RALYL: variants seen among roughly 807,000 people sequenced by gnomAD.
The protein encoded by RALYL is RALY RNA binding protein like.
RALYL carries 29 observed loss-of-function variants against 35.1 expected under a neutral mutation model. That is an observed-to-expected ratio of 0.83 (90% CI 0.61 to 1.13). RALYL has a LOEUF of 1.13. Among genes scored for constraint, RALYL ranks in the 50% most tolerant of loss-of-function variants. RALYL has a pLI of 0.00. For missense variants in RALYL, 359 were observed against 360.4 expected, an observed-to-expected ratio of 1.00 and a Z score of 0.03; for synonymous variants, 120 against 127.6, an observed-to-expected ratio of 0.94 and a Z score of 0.40.
intron 1 of RALYL, among the ~76,000 whole-genome samples, chr8:84,318,195 T>TCC (rs749144780): frequency 0.047 from 7,189 of 152,194 alleles, 263 homozygotes; most frequent in African/African-American, 0.083. Flanking sequence ...AGTATCAAAT[T>TCC]CAAGCATGGG....
At chr8:84,593,368 T>G (rs1286136008) in intron 2 of RALYL, among the ~76,000 whole-genome samples, 1 of 152,080 alleles carries the variant, frequency 6.6e-6, no homozygotes, top group East Asian at 1.9e-4. Flanking sequence ...TCCTCATGCG[T>G]CGCCAATCTT....
At chr8:84,576,895 G>T (rs939979496) in intron 2 of RALYL, among the ~76,000 whole-genome samples, 3 of 152,130 alleles carry the variant, frequency 2.0e-5, no homozygotes, top group Non-Finnish European at 2.9e-5. Context: ...CCTTTGCACT[G>T]GTCCACAGCA....
chr8:84,598,490 T>C (rs1357192344), intron 2 of RALYL, among the ~76,000 whole-genome samples: 2 of 152,176 alleles, frequency 1.3e-5, no homozygotes, highest in Non-Finnish European at 2.9e-5. Context: ...TATCGATTTG[T>C]GCTTGTGTCT....
At chr8:84,670,119 TG>T (rs903754762) in intron 2 of RALYL, among the ~76,000 whole-genome samples, 144 of 151,200 alleles carry the variant, frequency 9.5e-4, no homozygotes, top group African/African-American at 3.2e-3. Context: ...TATTTCCTGC[TG>T]AAAAAAAAAA....
chr8:84,464,563 C>T lies in RALYL; in HGVS notation c.-23-64736C>T, dbSNP rs1163547455. On this transcript the variant is annotated intron_variant, in intron 1 of 8. Transcript: ENST00000521268. The stretch of plus-strand genomic sequence containing the variant: ...CATTGTTGGACATTTGGGTTGGTTC[C>T]AAGTCTTTGCTATTGTGAATAATGC... Among the ~76,000 whole-genome samples, 33 of 149,812 alleles carry T rather than the reference C, an allele frequency of 2.2e-4. No individual in the cohort carries two copies. The South Asian group carries it at 6.7e-3, about 30-fold the overall frequency.
intron 2 of RALYL, among the ~76,000 whole-genome samples, chr8:84,535,499 T>G (rs1048401414): frequency 6.6e-6 from 1 of 150,744 alleles, no homozygotes; most frequent in Non-Finnish European, 1.5e-5. Flanking sequence ...GCAGTGGCGC[T>G]GTCTCGGCTC....
intron 1 of RALYL, among the ~76,000 whole-genome samples, chr8:84,403,463 G>T (rs532066918): frequency 2.0e-5 from 3 of 147,288 alleles, no homozygotes; most frequent in Non-Finnish European, 4.5e-5. Context: ...AAGATTAGAT[G>T]GTTGTAGATG....
chr8:84,489,114 A>T (rs2054966840), intron 1 of RALYL, among the ~76,000 whole-genome samples: 1 of 152,002 alleles, frequency 6.6e-6, no homozygotes, highest in South Asian at 2.1e-4. Flanking sequence ...AGTGTTATAT[A>T]CTGTAGAGTT....
rs533837816 is a variant in RALYL, at chr8:84,558,592, T to C, written c.256+29015T>C. Among the ~76,000 whole-genome samples, 11 of 152,310 alleles carry C rather than the reference T, an allele frequency of 7.2e-5. No individual in the cohort carries two copies. In the East Asian group the frequency reaches 1.9e-3, roughly 27 times the overall value. On this transcript the variant is annotated intron_variant, in intron 2 of 8. Transcript: ENST00000521268. ...CACTTCTGTGCTATTTCTGTTAGTT[T>C]AAATCACTTCTGTGGATTTAATTTA...
At chr8:84,697,450 T>A (rs1276547401) in intron 2 of RALYL, among the ~76,000 whole-genome samples, 1 of 152,044 alleles carries the variant, frequency 6.6e-6, no homozygotes, top group Admixed American at 6.6e-5. Flanking sequence ...TCTAACCTAC[T>A]TGATTATTTT....
intron 8 of RALYL, among the ~76,000 whole-genome samples, chr8:84,892,461 T>G (rs1844017251): frequency 6.6e-6 from 1 of 151,930 alleles, no homozygotes; most frequent in African/African-American, 2.4e-5. Flanking sequence ...AATACAAAAA[T>G]TAGCCGGGCA....
Position 84,378,753 on chromosome 8 carries a change from TC to T in RALYL, c.-23-150545del, listed in dbSNP as rs373874288. 5.9e-5 allele frequency among the ~76,000 whole-genome samples: 9 copies of T among 152,006 alleles called. No homozygotes were observed. In the South Asian group the frequency reaches 1.0e-3, roughly 17 times the overall value. ...TCCTTGAGACACTTCACTTTTTTTT[TC>T]ACTTATCTCCAGCATTGAATAAAGC... On this transcript the variant is annotated intron_variant, in intron 1 of 8. Coordinates refer to ENST00000521268, the MANE Select transcript of RALYL (RefSeq NM_173848.7).
At chr8:84,736,960 G>A (rs117311161) in intron 2 of RALYL, among the ~76,000 whole-genome samples, 2,620 of 152,046 alleles carry the variant, frequency 0.017, 35 homozygotes, top group Middle Eastern at 0.048. Flanking sequence ...GGATGAAACT[G>A]TAATATTACT....
chr8:84,857,889 TA>T (rs1837372659), intron 5 of RALYL, among the ~76,000 whole-genome samples: 1 of 152,150 alleles, frequency 6.6e-6, no homozygotes, highest in African/African-American at 2.4e-5. Flanking sequence ...TTATTATTGC[TA>T]AAGCTTAATA....
intron 1 of RALYL, among the ~76,000 whole-genome samples, chr8:84,353,094 A>C (rs1443236098): frequency 6.7e-6 from 1 of 150,242 alleles, no homozygotes; most frequent in Non-Finnish European, 1.5e-5. Flanking sequence ...TATAATTACA[A>C]ATAATTTCCC....
intron 3 of RALYL, among the ~76,000 whole-genome samples, chr8:84,803,695 G>A (rs1276169694): frequency 6.6e-6 from 1 of 152,244 alleles, no homozygotes; most frequent in East Asian, 1.9e-4. Flanking sequence ...GGTATATGGC[G>A]GAGATGCATG....
intron 2 of RALYL, among the ~76,000 whole-genome samples, chr8:84,563,438 T>A (rs901938287): frequency 6.6e-6 from 1 of 151,876 alleles, no homozygotes; most frequent in Non-Finnish European, 1.5e-5. Context: ...GCACTCACAC[T>A]CAATTTCCTG....
chr8:84,190,715 A>G (rs762621350), intron 1 of RALYL, among the ~76,000 whole-genome samples: 1 of 152,234 alleles, frequency 6.6e-6, no homozygotes, highest in Non-Finnish European at 1.5e-5. Flanking sequence ...AAGTTCTGAC[A>G]TTAACTTCTG....
At chr8:84,630,761 G>A (rs866379383) in intron 2 of RALYL, among the ~76,000 whole-genome samples, 1 of 151,922 alleles carries the variant, frequency 6.6e-6, no homozygotes, top group Non-Finnish European at 1.5e-5. Context: ...TTGGAGAGTA[G>A]GTACTCCATA....
Sources: allele counts gnomAD v4.1 joint callset (sites outside exome capture counted in the v4.1 genomes callset), GRCh38; gene constraint gnomAD v4.1.1; transcripts MANE v1.5; gene names NCBI Gene and HGNC (gene_info 2026-07-23, HGNC 2026-07-21).